GADD45B: variants seen among roughly 807,000 people sequenced by gnomAD.
GADD45B encodes growth arrest and DNA damage-inducible protein GADD45 beta.
Under a neutral mutation model 15.2 loss-of-function variants are expected in GADD45B, and 8 were observed. The ratio of observed to expected loss-of-function variants is 0.53; its 90% CI spans 0.31 to 0.95. The LOEUF (loss-of-function observed/expected upper bound fraction) is 0.95. Among genes scored for constraint, GADD45B ranks in the 40% least tolerant of loss-of-function variants. GADD45B has a pLI of 0.05. For missense variants in GADD45B, 162 were observed against 216.6 expected, an observed-to-expected ratio of 0.75 and a Z score of 1.58; for synonymous variants, 100 against 89.8, an observed-to-expected ratio of 1.11 and a Z score of -0.64.
In GADD45B at chr19:2,476,179, C is replaced by G. The variant is rs1474832193; in HGVS notation, c.-180C>G. 1.4e-5 allele frequency: 9 copies of G among 664,108 alleles called. No individual in the cohort carries two copies. Among genetic ancestry groups the G allele is most frequent in the Non-Finnish European group, 2.1e-5 (8 of 377,484 alleles). The allele number at this position is 664,108 out of a possible 1,614,324, so 41.1% of individuals were successfully genotyped here. A position where few individuals can be genotyped will look rare whatever the true frequency, so the allele number is the denominator to read the frequency against. On this transcript the variant is annotated 5_prime_UTR_variant, in exon 1 of 4. Transcript: ENST00000215631. ...GGTTTCCGCAACTTCCTGGATTATC[C>G]TCGCCAAGGACTTTGCAATATATTT... is the stretch of plus-strand genomic sequence containing the variant.
rs766119745 is a variant in GADD45B, at chr19:2,476,143, G to A, written c.-216G>A. On this transcript the variant is annotated 5_prime_UTR_variant, in exon 1 of 4. Transcript: ENST00000215631. ...TCCCAGCTCAGATCGCCGAAGCGTC[G>A]GACTACCGTTGGTTTCCGCAACTTC... The A allele has an allele frequency of 8.3e-6, 5 of 603,072 alleles. No individual in the cohort carries two copies. The highest frequency in any genetic ancestry group is 4.4e-4 in the Middle Eastern group (1 of 2,276). The allele number at this position is 603,072 out of a possible 1,614,324, so 37.4% of individuals were successfully genotyped here.
In GADD45B at chr19:2,476,293, C is replaced by T; in HGVS notation, c.-66C>T. 2.0e-6 allele frequency: 3 copies of T among 1,522,642 alleles called. No individual in the cohort carries two copies. Among genetic ancestry groups the T allele is most frequent in the South Asian group, 2.2e-5 (2 of 89,328 alleles). The allele number at this position is 1,522,642 out of a possible 1,614,324, so 94.3% of individuals were successfully genotyped here. On this transcript the variant is annotated 5_prime_UTR_variant, in exon 1 of 4. Coordinates refer to ENST00000215631, the MANE Select transcript of GADD45B (RefSeq NM_015675.4). ...TGGGAAGGTTTTGGGCTCTCTGGCT[C>T]GGATTTTGCAATTTCTCCCTGGGGA...
chr19:2,476,801 ATGTATCGTC>A (rs1307790026), intron 2 of GADD45B, 171 bp downstream of exon 2: 1 of 612,122 alleles, frequency 1.6e-6, no homozygotes, highest in African/African-American at 1.9e-5. Flanking sequence ...CCGTATCCTG[ATGTATCGTC>A]TGCAAACACC....
chr19:2,476,483 G>C (rs775132438), intron 1 of GADD45B, 46 bp from the exon 2 acceptor site: 1 of 1,599,698 alleles, frequency 6.3e-7, no homozygotes, highest in South Asian at 1.1e-5. Context: ...GCGGAACGTA[G>C]CACCCGGTGG....
At position 2,477,381 on chromosome 19, in the gene GADD45B, G is replaced by C; in HGVS notation, c.370-107G>C. 9.9e-7 allele frequency: 1 copy of C among 1,008,956 alleles called. No individual in the cohort carries two copies. Among genetic ancestry groups the C allele is most frequent in the Non-Finnish European group, 1.5e-6 (1 of 679,490 alleles). 62.5% of individuals were successfully genotyped at this position (1,008,956 alleles called of 1,614,324 possible). A position where few individuals can be genotyped will look rare whatever the true frequency, so the allele number is the denominator to read the frequency against. ...TTTGGCATGTCCCGTGGGCAGCCGG[G>C]CTGGGGCCTCCTCACCCAGGAAGCT... On this transcript the variant is annotated intron_variant, in intron 3 of 3. Coordinates refer to ENST00000215631, the MANE Select transcript of GADD45B (RefSeq NM_015675.4). This position sits in a 1 kb window ranked among gnomAD's most constrained non-coding sequence, Gnocchi z 4.2.
Position 2,477,577 on chromosome 19 carries a change from C to G in GADD45B, c.459C>G (p.Pro153=). Residue 153 remains proline, a synonymous_variant, in exon 4 of 4, where the codon CCC becomes CCG. Transcript: ENST00000215631. The surrounding 1 kb of genome is among the most constrained non-coding windows in gnomAD (Gnocchi z 4.2). The part of the protein sequence containing the change: ...EESRGNNQWV[P]YISLQER ...GCCGGGGCAACAACCAGTGGGTCCC[C>G]TACATCTCTCTTCAGGAACGCTGAG... 1 of 1,607,456 alleles carries G rather than the reference C, an allele frequency of 6.2e-7. No individual in the cohort carries two copies. Among genetic ancestry groups the G allele is most frequent in the South Asian group, 1.1e-5 (1 of 90,908 alleles).
At position 2,477,766 on chromosome 19, in the gene GADD45B, AGG is replaced by A. The variant is rs1019176324; in HGVS notation, c.*168_*169del. ...ACTGAAGAGGAAGAGGAGGAGGAGA[AGG>A]GGAGTGAGCGGCCGCCCCCAGGGCG... On this transcript the variant is annotated 3_prime_UTR_variant, in exon 4 of 4. Coordinates refer to ENST00000215631, the MANE Select transcript of GADD45B (RefSeq NM_015675.4). This position sits in a 1 kb window ranked among gnomAD's most constrained non-coding sequence, Gnocchi z 4.2. 3.7e-5 allele frequency: 17 copies of A among 459,728 alleles called. No individual in the cohort carries two copies. Among genetic ancestry groups the A allele is most frequent in the Non-Finnish European group, 6.3e-5 (16 of 253,064 alleles). The allele number at this position is 459,728 out of a possible 1,614,324, so 28.5% of individuals were successfully genotyped here.
chr19:2,476,391 C>T lies in GADD45B; in HGVS notation c.33C>T (p.Asn11=), dbSNP rs757444576. The T allele has an allele frequency of 6.8e-6, 11 of 1,613,326 alleles. No individual in the cohort carries two copies. In the African/African-American group the frequency reaches 9.4e-5, roughly 14 times the overall value. MTLEELVACD[N]AAQKMQTVTA... is the part of the protein sequence containing the mutation. ...TGGAAGAGCTCGTGGCGTGCGACAA[C>T]GCGGCGCAGAAGTAAGTAGCCGGGG... Residue 11 remains asparagine (N), a synonymous_variant, in exon 1 of 4, where the codon AAC becomes AAT. Coordinates refer to ENST00000215631, the MANE Select transcript of GADD45B (RefSeq NM_015675.4).
rs1354725166 is a variant in GADD45B, at chr19:2,477,245, G to A, written c.363G>A (p.Leu121=). The change falls in exon 3 of 4, where the codon CTG becomes CTA. Residue 121 remains leucine (L), a synonymous_variant. Coordinates refer to ENST00000215631, the MANE Select transcript of GADD45B (RefSeq NM_015675.4). This position sits in a 1 kb window ranked among gnomAD's most constrained non-coding sequence, Gnocchi z 4.2. ...AGGCCCGAGACCTGCATTGTCTCCT[G>A]GTCACGGTGAGTCGGGCCTCTGCCC... ...TTEARDLHCL[L]VTNPHTDAWK... is the part of the protein sequence containing the mutation. 1.3e-6 allele frequency: 2 copies of A among 1,572,256 alleles called. No homozygotes were observed. Among genetic ancestry groups the A allele is most frequent in the Non-Finnish European group, 8.6e-7 (1 of 1,162,124 alleles).
chr19:2,477,286 G>C lies in GADD45B; in HGVS notation c.369+35G>C. ...GCCTCTGCCCTGCCCCGCCACGCCC[G>C]GGCACCTGGGCCGGTGTTTGTCAAC... On this transcript the variant is annotated intron_variant, in intron 3 of 3. Transcript: ENST00000215631. This position sits in a 1 kb window ranked among gnomAD's most constrained non-coding sequence, Gnocchi z 4.2. 1 of 1,378,350 alleles carries C rather than the reference G, an allele frequency of 7.3e-7. No individual in the cohort carries two copies. The highest frequency in any genetic ancestry group is 1.4e-5 in the African/African-American group (1 of 70,050). 85.4% of individuals were successfully genotyped at this position (1,378,350 alleles called of 1,614,324 possible). A position where few individuals can be genotyped will look rare whatever the true frequency, so the allele number is the denominator to read the frequency against.
rs766119745 is a variant in GADD45B at position 2,476,143 on chromosome 19, G to C, written c.-216G>C. 2.4e-4 allele frequency: 146 copies of C among 603,072 alleles called. No homozygotes were observed. Among genetic ancestry groups the C allele is most frequent in the Non-Finnish European group, 2.3e-4 (79 of 338,196 alleles). The allele number at this position is 603,072 out of a possible 1,614,324, so 37.4% of individuals were successfully genotyped here. A position where few individuals can be genotyped will look rare whatever the true frequency, so the allele number is the denominator to read the frequency against. On this transcript the variant is annotated 5_prime_UTR_variant, in exon 1 of 4. Coordinates refer to ENST00000215631, the MANE Select transcript of GADD45B (RefSeq NM_015675.4). ...TCCCAGCTCAGATCGCCGAAGCGTC[G>C]GACTACCGTTGGTTTCCGCAACTTC...
rs1972335614 is a variant in GADD45B, at chr19:2,477,576, C to T, written c.458C>T (p.Pro153Leu). The change falls in exon 4 of 4, where the codon CCC becomes CTC. Residue 153 changes from proline to leucine, a missense_variant. By Grantham distance (98) the Pro-to-Leu change is moderately conservative. Coordinates refer to ENST00000215631, the MANE Select transcript of GADD45B (RefSeq NM_015675.4). The surrounding 1 kb of genome is among the most constrained non-coding windows in gnomAD (Gnocchi z 4.2). ...EESRGNNQWVPYISLQER is the reference protein window; with the variant it reads ...EESRGNNQWVLYISLQER Reference sequence around the variant, plus strand: ...AGCCGGGGCAACAACCAGTGGGTCCCCTACATCTCTCTTCAGGAACGCTGA... The same window carrying T: ...AGCCGGGGCAACAACCAGTGGGTCCTCTACATCTCTCTTCAGGAACGCTGA... The T allele has an allele frequency of 6.2e-7, 1 of 1,608,702 alleles. No individual in the cohort carries two copies. The highest frequency in any genetic ancestry group is 8.5e-7 in the Non-Finnish European group (1 of 1,175,302).
At position 2,476,283 on chromosome 19, in the gene GADD45B, C is replaced by G; in HGVS notation, c.-76C>G. ...TCTAGCTCTGTGGGAAGGTTTTGGG[C>G]TCTCTGGCTCGGATTTTGCAATTTC... is the stretch of plus-strand genomic sequence containing the variant. On this transcript the variant is annotated 5_prime_UTR_variant, in exon 1 of 4. Coordinates refer to ENST00000215631, the MANE Select transcript of GADD45B (RefSeq NM_015675.4). 3 of 1,428,490 alleles carry G rather than the reference C, an allele frequency of 2.1e-6. No individual in the cohort carries two copies. The highest frequency in any genetic ancestry group is 3.0e-6 in the Non-Finnish European group (3 of 1,011,670). The allele number at this position is 1,428,490 out of a possible 1,614,324, so 88.5% of individuals were successfully genotyped here.
At chr19:2,476,793 G>A (rs530650211) in intron 2 of GADD45B, 163 bp downstream of exon 2, 6 of 612,236 alleles carry the variant, frequency 9.8e-6, no homozygotes, top group East Asian at 2.8e-5. Flanking sequence ...GGGGGCTGCC[G>A]TATCCTGATG....
Position 2,478,186 on chromosome 19 carries a change from C to T in GADD45B, c.*585C>T, listed in dbSNP as rs995438909. 6.6e-6 allele frequency: 1 copy of T among 152,142 alleles called. No homozygotes were observed. The highest frequency in any genetic ancestry group is 1.5e-5 in the Non-Finnish European group (1 of 68,038). 9.4% of individuals were successfully genotyped at this position (152,142 alleles called of 1,614,324 possible). A position where few individuals can be genotyped will look rare whatever the true frequency, so the allele number is the denominator to read the frequency against. On this transcript the variant is annotated 3_prime_UTR_variant, in exon 4 of 4. Transcript: ENST00000215631. ...CACTTGTTATTCGAACCACTGAGAG[C>T]GAGATGGGAAGCATAGATATCTATA...
In GADD45B at chr19:2,476,142, C is replaced by A. The variant is rs557692430; in HGVS notation, c.-217C>A. 2 of 603,082 alleles carry A rather than the reference C, an allele frequency of 3.3e-6. No individual in the cohort carries two copies. The highest frequency in any genetic ancestry group is 5.9e-6 in the Non-Finnish European group (2 of 338,092). The allele number at this position is 603,082 out of a possible 1,614,324, so 37.4% of individuals were successfully genotyped here. A position where few individuals can be genotyped will look rare whatever the true frequency, so the allele number is the denominator to read the frequency against. On this transcript the variant is annotated 5_prime_UTR_variant, in exon 1 of 4. Coordinates refer to ENST00000215631, the MANE Select transcript of GADD45B (RefSeq NM_015675.4). ...CTCCCAGCTCAGATCGCCGAAGCGT[C>A]GGACTACCGTTGGTTTCCGCAACTT... is the stretch of plus-strand genomic sequence containing the variant.
In GADD45B at chr19:2,476,134, C is replaced by G. The variant is rs1397194232; in HGVS notation, c.-225C>G. The stretch of plus-strand genomic sequence containing the variant: ...GCCGGAGGCTCCCAGCTCAGATCGC[C>G]GAAGCGTCGGACTACCGTTGGTTTC... On this transcript the variant is annotated 5_prime_UTR_variant, in exon 1 of 4. Transcript: ENST00000215631. The G allele has an allele frequency of 8.3e-6, 5 of 598,890 alleles. No individual in the cohort carries two copies. The highest frequency in any genetic ancestry group is 3.9e-5 in the South Asian group (2 of 50,634). 37.1% of individuals were successfully genotyped at this position (598,890 alleles called of 1,614,324 possible).
chr19:2,476,398 C>T lies in GADD45B; in HGVS notation c.40C>T (p.Gln14Ter). The change falls in exon 1 of 4, where the codon CAG becomes TAG. Residue 14 changes from glutamine to a stop codon, truncating the protein, a stop_gained. Transcript: ENST00000215631. LOFTEE classifies it high-confidence loss of function. ...GCTCGTGGCGTGCGACAACGCGGCGCAGAAGTAAGTAGCCGGGGCTGCCGC... is the reference window on the plus strand; with the variant it reads ...GCTCGTGGCGTGCGACAACGCGGCGTAGAAGTAAGTAGCCGGGGCTGCCGC... ...EELVACDNAAQKMQTVTAAVE... is the reference protein window; with the variant it reads ...EELVACDNAA The T allele has an allele frequency of 1.2e-6, 2 of 1,613,404 alleles. No individual in the cohort carries two copies. The highest frequency in any genetic ancestry group is 1.7e-6 in the Non-Finnish European group (2 of 1,179,920).
intron 1 of GADD45B, 26 bp downstream of exon 1, chr19:2,476,428 TGAG>T (rs773547471): frequency 6.2e-7 from 1 of 1,611,476 alleles, no homozygotes; most frequent in Non-Finnish European, 8.5e-7. Flanking sequence ...TGCCGCCGCC[TGAG>T]GTCAGCCGGG....
Sources: allele counts gnomAD v4.1 joint callset, GRCh38; gene constraint gnomAD v4.1.1; non-coding constraint Gnocchi (gnomAD v3.1); transcripts MANE v1.5; gene names NCBI Gene and HGNC (gene_info 2026-07-23, HGNC 2026-07-21).